The following CLYBL variants were observed in gnomAD, a reference collection of about 807,000 sequenced individuals.
CLYBL encodes the protein citramalyl-CoA lyase, mitochondrial.
A neutral mutation model predicts 38.9 loss-of-function variants in CLYBL; 31 were observed. That is an observed-to-expected ratio of 0.80 (90% CI 0.60 to 1.08). The LOEUF is 1.08. CLYBL is among the 50% of genes least tolerant of loss of function. CLYBL has a pLI of 0.00. For synonymous variants in CLYBL, 171 were observed against 158.6 expected (o/e 1.08, Z -0.59); for missense variants, 434 against 411.6 (o/e 1.05, Z -0.47).
At chr13:99,610,392 A>C (rs1309688168) in intron 1 of CLYBL, among the ~76,000 whole-genome samples, 1 of 152,100 alleles carries the variant, frequency 6.6e-6, no homozygotes, top group Non-Finnish European at 1.5e-5. Flanking sequence ...GGACATTTTA[A>C]GTAATATAAT....
chr13:99,850,186 A>AGT (rs1216034580), intron 2 of CLYBL, among the ~76,000 whole-genome samples: 1 of 152,250 alleles, frequency 6.6e-6, no homozygotes, highest in African/African-American at 2.4e-5. Flanking sequence ...TTCATAGGAC[A>AGT]CCATCAAGAA....
At chr13:99,693,805 A>G (rs1178138233) in intron 1 of CLYBL, among the ~76,000 whole-genome samples, 7 of 152,176 alleles carry the variant, frequency 4.6e-5, no homozygotes, top group African/African-American at 1.7e-4. Flanking sequence ...TTTTAAGACT[A>G]TCTCAGAAGG....
chr13:99,629,344 C>A (rs2046911611), intron 1 of CLYBL, among the ~76,000 whole-genome samples: 1 of 152,200 alleles, frequency 6.6e-6, no homozygotes, highest in Non-Finnish European at 1.5e-5. Flanking sequence ...CTGACAAGTA[C>A]AAATGCGTCT....
intron 2 of CLYBL, among the ~76,000 whole-genome samples, chr13:99,837,218 C>T (rs2050960053): frequency 6.6e-6 from 1 of 152,096 alleles, no homozygotes; most frequent in Admixed American, 6.5e-5. Flanking sequence ...GAGGCCAAGA[C>T]AGGAGGATCG....
intron 1 of CLYBL, among the ~76,000 whole-genome samples, chr13:99,627,701 A>C (rs1192071091): frequency 2.0e-5 from 3 of 152,258 alleles, no homozygotes; most frequent in African/African-American, 7.2e-5. Flanking sequence ...AGACTAAAAA[A>C]CTAAGGTTTC....
At chr13:99,667,100 C>T (rs2047492508) in intron 1 of CLYBL, among the ~76,000 whole-genome samples, 1 of 151,398 alleles carries the variant, frequency 6.6e-6, no homozygotes, top group South Asian at 2.1e-4. Flanking sequence ...CAAAAGTGAG[C>T]AGAGATGCAA....
chr13:99,662,480 A>C (rs980771054), intron 1 of CLYBL, among the ~76,000 whole-genome samples: 21 of 151,720 alleles, frequency 1.4e-4, no homozygotes, highest in Admixed American at 8.6e-4. Flanking sequence ...TGCTTTAAAA[A>C]ATAGATTTGT....
At chr13:99,659,228 A>G (rs1311175718) in intron 1 of CLYBL, among the ~76,000 whole-genome samples, 1 of 151,338 alleles carries the variant, frequency 6.6e-6, no homozygotes, top group Middle Eastern at 3.2e-3. Context: ...ATATATATAT[A>G]TGTATATATA....
chr13:99,865,352 G>T lies in CLYBL; in HGVS notation c.634+441G>T. On this transcript the variant is annotated intron_variant, in intron 5 of 8. Coordinates refer to ENST00000339105, the MANE Select transcript of CLYBL (RefSeq NM_206808.5). This position sits in a 1 kb window ranked among gnomAD's most constrained non-coding sequence, Gnocchi z 4.7. ...TGAATTGTTTTCTACAGAATATGCG[G>T]TAGGTAAATATTATTTTAAATGGAT... The T allele has an allele frequency of 4.1e-6, 1 of 245,452 alleles. No homozygotes were observed. Among genetic ancestry groups the T allele is most frequent in the South Asian group, 5.2e-5 (1 of 19,176 alleles). The allele number at this position is 245,452 out of a possible 1,614,324, so 15.2% of individuals were successfully genotyped here.
intron 1 of CLYBL, among the ~76,000 whole-genome samples, chr13:99,771,847 G>A (rs1453962670): frequency 6.6e-6 from 1 of 152,176 alleles, no homozygotes; most frequent in East Asian, 1.9e-4. Context: ...TATCTGCCAG[G>A]CTCTGGCTAA....
intron 1 of CLYBL, among the ~76,000 whole-genome samples, chr13:99,669,578 C>A (rs556714256): frequency 6.6e-6 from 1 of 152,120 alleles, no homozygotes; most frequent in African/African-American, 2.4e-5. Context: ...ATCATTATTT[C>A]ATTTTCTTTA....
At chr13:99,676,232 CCTTCCTTT>C (rs1249475048) in intron 1 of CLYBL, among the ~76,000 whole-genome samples, 2,403 of 140,628 alleles carry the variant, frequency 0.017, 70 homozygotes, top group African/African-American at 0.06. Flanking sequence ...TTCCTTCCTT[CCTTCCTTT>C]CCTCCCTTTC....
downstream of CLYBL, among the ~76,000 whole-genome samples, chr13:99,899,635 C>T (rs1049244553): frequency 2.6e-5 from 4 of 152,176 alleles, no homozygotes; most frequent in African/African-American, 9.7e-5. Context: ...TACTTAATGC[C>T]ACAGTGCTTA....
chr13:99,676,186 G>GTCCT (rs35403713), intron 1 of CLYBL, among the ~76,000 whole-genome samples: 6,863 of 132,886 alleles, frequency 0.052, 255 homozygotes, highest in Admixed American at 0.1. Context: ...CCCTCCGTCC[G>GTCCT]TCCTTCCTTC....
intron 1 of CLYBL, among the ~76,000 whole-genome samples, chr13:99,657,653 A>C (rs2047348044): frequency 6.6e-6 from 1 of 151,834 alleles, no homozygotes; most frequent in Non-Finnish European, 1.5e-5. Flanking sequence ...AACTCTTTAA[A>C]AGAAGATTAA....
chr13:99,730,882 A>G (rs2048577560), intron 1 of CLYBL, among the ~76,000 whole-genome samples: 1 of 152,046 alleles, frequency 6.6e-6, no homozygotes, highest in Non-Finnish European at 1.5e-5. Context: ...CAGGAGTTTG[A>G]GACCAGCCTG....
At chr13:99,908,467 G>A (rs775861245) in exon 10 of CLYBL, among the ~76,000 whole-genome samples, 23 of 152,202 alleles carry the variant, frequency 1.5e-4, no homozygotes, top group African/African-American at 2.7e-4. Flanking sequence ...AAGCAGCCCC[G>A]CCTCGCAGTG....
chr13:99,632,290 G>A (rs1039627522), intron 1 of CLYBL, among the ~76,000 whole-genome samples: 1 of 152,186 alleles, frequency 6.6e-6, no homozygotes, highest in Non-Finnish European at 1.5e-5. Flanking sequence ...AAAAAACTAA[G>A]CAAAGATCTT....
At chr13:99,806,830 G>C (rs558480509) in intron 2 of CLYBL, among the ~76,000 whole-genome samples, 2 of 152,324 alleles carry the variant, frequency 1.3e-5, no homozygotes, top group South Asian at 4.1e-4. Context: ...GCTGGGAGTT[G>C]GAAGTAAGGG....
Sources: gnomAD v4.1 joint callset for allele counts (sites outside exome capture counted in the v4.1 genomes callset) on GRCh38, gnomAD v4.1.1 for gene constraint, Gnocchi (gnomAD v3.1) non-coding constraint, MANE v1.5 for transcripts, NCBI Gene and HGNC (gene_info 2026-07-23, HGNC 2026-07-21) for gene names.